Variants in CACNA1H observed in about 807,000 individuals in gnomAD.
CACNA1H encodes the protein calcium voltage-gated channel subunit alpha1 H, also known as voltage-dependent T-type calcium channel subunit alpha-1H.
In CACNA1H, 149 loss-of-function variants were observed where a neutral mutation model predicts 192.5. The ratio of observed to expected loss-of-function variants is 0.77; its 90% CI spans 0.68 to 0.89. The LOEUF is 0.89. Ranked by LOEUF, CACNA1H falls within the 40% of genes least tolerant of loss-of-function variation. The pLI, the probability that CACNA1H is intolerant of heterozygous loss-of-function variation, is 0.00. For synonymous variants in CACNA1H, 2,202 were observed against 1,475.2 expected, an observed-to-expected ratio of 1.49 and a Z score of -11.29; for missense variants, 4,257 against 3,423.5, an observed-to-expected ratio of 1.24 and a Z score of -6.08.
rs770576237 is a variant in CACNA1H at position 1,220,754 on chromosome 16, G to T, written c.6822G>T (p.Gly2274=). 5 of 1,612,434 alleles carry T rather than the reference G, an allele frequency of 3.1e-6. No individual in the cohort carries two copies. In the East Asian group the frequency reaches 1.1e-4, roughly 36 times the overall value. ...TTGCCTTTGAGCCGCTGGACCTCGG[G>T]GTCCCCAGTGGAGACCCTTTCTTGG... ...PSFAFEPLDL[G]VPSGDPFLDG... is the part of the protein sequence containing the mutation. Residue 2274 remains glycine, a synonymous_variant, in exon 35 of 35, where the codon GGG becomes GGT. Transcript: ENST00000348261.
At chr16:1,198,825 C>T (rs1967324946) in intron 6 of CACNA1H, 51 bp downstream of exon 6, 7 of 1,549,606 alleles carry the variant, frequency 4.5e-6, no homozygotes, top group Non-Finnish European at 6.1e-6. Context: ...CCCTGCCCAC[C>T]ATGCAGATAA....
chr16:1,183,751 C>G (rs1965708288), intron 2 of CACNA1H, among the ~76,000 whole-genome samples: 1 of 152,240 alleles, frequency 6.6e-6, no homozygotes, highest in Non-Finnish European at 1.5e-5. Flanking sequence ...GGGGAGCGTG[C>G]AAGAGCACAT....
chr16:1,207,485 G>C (rs1402179067), intron 14 of CACNA1H, 55 bp downstream of exon 14: 1 of 1,572,704 alleles, frequency 6.4e-7, no homozygotes, highest in East Asian at 2.3e-5. Context: ...AGAGAGACGG[G>C]CTTCAGGTCG....
intron 17 of CACNA1H, 39 bp downstream of exon 17, chr16:1,209,451 C>G: frequency 6.3e-7 from 1 of 1,587,650 alleles, no homozygotes; most frequent in Non-Finnish European, 8.5e-7. Context: ...GACTCGCCTT[C>G]GTCTGTCTGG....
Position 1,210,930 on chromosome 16 carries a change from TCTGCGCGTG to T in CACNA1H, c.4188_4196del (p.Val1397_Arg1399del). ...CTGGTGGCGCCAAGATCCTGGGTGT[TCTGCGCGTG>T]CTGCGTCTGCTGCGGACCCTGCGGC... On this transcript the variant is annotated inframe_deletion, in exon 21 of 35. Coordinates refer to ENST00000348261, the MANE Select transcript of CACNA1H (RefSeq NM_021098.3). The T allele has an allele frequency of 6.2e-7, 1 of 1,601,876 alleles. No homozygotes were observed. The highest frequency in any genetic ancestry group is 1.1e-5 in the South Asian group (1 of 91,030).
rs368824465 is a variant in CACNA1H at position 1,207,313 on chromosome 16, C to A, written c.2946C>A (p.Asn982Lys). The change falls in exon 14 of 35, where the codon AAC becomes AAA. Residue 982 changes from asparagine (N) to lysine (K), a missense_variant. Asn to Lys is a moderately conservative substitution (Grantham distance 94). Transcript: ENST00000348261. ...TQEDWNVVLY[N>K]GMASTSSWAA... ...AGGACTGGAACGTGGTCCTGTACAA[C>A]GGCATGGCCTCCACCTCCTCCTGGG... The A allele has an allele frequency of 2.5e-6, 4 of 1,610,866 alleles. No homozygotes were observed. Among genetic ancestry groups the A allele is most frequent in the Non-Finnish European group, 3.4e-6 (4 of 1,178,750 alleles).
rs1297062499 is a variant in CACNA1H at position 1,199,059 on chromosome 16, C to A, written c.803+285C>A. 1.2e-4 allele frequency: 34 copies of A among 287,654 alleles called. 3 individuals are homozygous for A. The highest frequency in any genetic ancestry group is 1.7e-4 in the Non-Finnish European group (26 of 151,312). The allele number at this position is 287,654 out of a possible 1,614,324, so 17.8% of individuals were successfully genotyped here. A position where few individuals can be genotyped will look rare whatever the true frequency, so the allele number is the denominator to read the frequency against. ...ACCATGGCTCCGCCCACCGCGCAGT[C>A]GCTGCACATATGCCCCACCCCCCAC... On this transcript the variant is annotated intron_variant, in intron 6 of 34. Transcript: ENST00000348261.
chr16:1,183,355 A>C (rs1156443682), intron 2 of CACNA1H, among the ~76,000 whole-genome samples: 1 of 152,098 alleles, frequency 6.6e-6, no homozygotes, highest in Non-Finnish European at 1.5e-5. Context: ...CTCCCGAGGA[A>C]GGAGACGGGC....
chr16:1,179,828 G>A (rs1043783436), intron 2 of CACNA1H, among the ~76,000 whole-genome samples: 4 of 147,770 alleles, frequency 2.7e-5, no homozygotes, highest in Admixed American at 6.9e-5. Flanking sequence ...TCTGCCTCAC[G>A]TGTTCAAGCG....
chr16:1,179,575 C>G (rs1965260361), intron 2 of CACNA1H, among the ~76,000 whole-genome samples: 2 of 149,958 alleles, frequency 1.3e-5, no homozygotes, highest in African/African-American at 4.9e-5. Flanking sequence ...ATTACAGGCG[C>G]CCGCCACCAT....
rs568439560 is a variant in CACNA1H, at chr16:1,201,881, C to T, written c.1431C>T (p.Arg477=). 1.9e-6 allele frequency: 3 copies of T among 1,552,754 alleles called. No individual in the cohort carries two copies. Among genetic ancestry groups the T allele is most frequent in the South Asian group, 1.2e-5 (1 of 84,270 alleles). Residue 477 remains arginine (R), a synonymous_variant, in exon 9 of 35, where the codon CGC becomes CGT. Transcript: ENST00000348261. The part of the protein sequence containing the change: ...IFRKVKRRSL[R]LYARWQSRWR... ...GCAAGGTCAAGCGGCGCAGCTTGCGCCTCTACGCCCGCTGGCAGAGCCGCT... is the reference window on the plus strand; with the variant it reads ...GCAAGGTCAAGCGGCGCAGCTTGCGTCTCTACGCCCGCTGGCAGAGCCGCT...
chr16:1,176,226 C>T (rs1964873862), intron 2 of CACNA1H, among the ~76,000 whole-genome samples: 1 of 152,242 alleles, frequency 6.6e-6, no homozygotes, highest in Admixed American at 6.5e-5. Context: ...CTGGAGCTGC[C>T]CTGACTGTCG....
chr16:1,219,083 C>T lies in CACNA1H; in HGVS notation c.6001C>T (p.Arg2001Trp), dbSNP rs763114755. 2.4e-5 allele frequency: 37 copies of T among 1,548,854 alleles called. No individual in the cohort carries two copies. Among genetic ancestry groups the T allele is most frequent in the African/African-American group, 1.2e-4 (9 of 73,026 alleles). ...SGEPLHALSP[R>W]GTARSPSLSR... ...CGAGCCCCTCCACGCCCTGTCCCCT[C>T]GGGGCACAGCCCGCTCCCCCAGTCT... Residue 2001 changes from arginine to tryptophan, a missense_variant, in exon 34 of 35, where the codon CGG becomes TGG. Arg to Trp is a moderately radical substitution (Grantham distance 101, BLOSUM62 -3). Coordinates refer to ENST00000348261, the MANE Select transcript of CACNA1H (RefSeq NM_021098.3).
intron 2 of CACNA1H, among the ~76,000 whole-genome samples, chr16:1,160,729 A>G (rs1963083889): frequency 6.6e-6 from 1 of 151,986 alleles, no homozygotes; most frequent in African/African-American, 2.4e-5. Flanking sequence ...ACGGTTGATG[A>G]ATGTGCTCCA....
At chr16:1,155,101 A>G (rs1453244900) in intron 2 of CACNA1H, among the ~76,000 whole-genome samples, 1 of 152,238 alleles carries the variant, frequency 6.6e-6, no homozygotes, top group Non-Finnish European at 1.5e-5. Flanking sequence ...TAACTGTACA[A>G]ATATTAAACA....
chr16:1,185,679 T>C (rs1397975322), intron 2 of CACNA1H, among the ~76,000 whole-genome samples: 2 of 25,596 alleles, frequency 7.8e-5, no homozygotes, highest in Admixed American at 4.1e-4. Flanking sequence ...AGGCGGGGTG[T>C]GTACGGGGCG....
rs201602467 is a variant in CACNA1H at position 1,210,018 on chromosome 16, G to A, written c.3745-17G>A. ...AGGCAGGCGCAGGCTCTGAGAAGCC[G>A]CCGCCTCATCCCACAGAGCTGCTGC... On this transcript the variant is annotated splice_polypyrimidine_tract_variant and intron_variant, in intron 17 of 34. Transcript: ENST00000348261. The A allele has an allele frequency of 9.5e-5, 147 of 1,541,168 alleles. No homozygotes were observed. In the African/African-American group the frequency reaches 9.9e-4, roughly 10 times the overall value.
At chr16:1,155,860 G>A (rs1962293063) in intron 2 of CACNA1H, among the ~76,000 whole-genome samples, 1 of 152,166 alleles carries the variant, frequency 6.6e-6, no homozygotes, top group African/African-American at 2.4e-5. Flanking sequence ...GAGGGCTGGG[G>A]CCAGCGGCAT....
In CACNA1H at chr16:1,202,442, C is replaced by A; in HGVS notation, c.1992C>A (p.Val664=). 2 of 1,493,250 alleles carry A rather than the reference C, an allele frequency of 1.3e-6. No homozygotes were observed. The highest frequency in any genetic ancestry group is 2.6e-5 in the South Asian group (2 of 76,478). The allele number at this position is 1,493,250 out of a possible 1,614,324, so 92.5% of individuals were successfully genotyped here. ...PDPYEKIPHV[V]GEHGLGQAPG... is the part of the protein sequence containing the mutation. ...CCTACGAGAAGATCCCGCATGTGGT[C>A]GGGGAGCATGGTGAGGACCCAGCCC... is the stretch of plus-strand genomic sequence containing the variant. Residue 664 remains valine (V), a synonymous_variant, in exon 9 of 35, where the codon GTC becomes GTA. Transcript: ENST00000348261.
Sources: allele counts gnomAD v4.1 joint callset (sites outside exome capture counted in the v4.1 genomes callset), GRCh38; gene constraint gnomAD v4.1.1; transcripts MANE v1.5; gene names NCBI Gene and HGNC (gene_info 2026-07-23, HGNC 2026-07-21).